Variants in RBFOX1 observed in about 807,000 individuals in gnomAD.
RBFOX1 encodes the protein RNA binding fox-1 homolog 1, also known as RNA binding protein fox-1 homolog 1.
Under a neutral mutation model 57.7 loss-of-function variants are expected in RBFOX1, and 8 were observed. The observed-to-expected ratio is 0.14, with a 90% CI of 0.08 to 0.25. The LOEUF is 0.25. Among genes scored for constraint, RBFOX1 ranks in the 10% least tolerant of loss-of-function variants. The pLI, the probability that RBFOX1 is intolerant of heterozygous loss-of-function variation, is 1.00. For missense variants in RBFOX1, 611 were observed against 548.5 expected (o/e 1.11, Z -1.14); for synonymous variants, 326 against 222.4 (o/e 1.47, Z -4.15).
At chr16:7,180,274 T>C (rs2082442655) in intron 4 of RBFOX1, among the ~76,000 whole-genome samples, 1 of 152,208 alleles carries the variant, frequency 6.6e-6, no homozygotes, top group Admixed American at 6.5e-5. Flanking sequence ...TATGTCCTTA[T>C]GTAATGCTCT....
At chr16:7,587,877 A>G (rs1567972009) in intron 7 of RBFOX1, among the ~76,000 whole-genome samples, 2 of 152,160 alleles carry the variant, frequency 1.3e-5, no homozygotes, top group Non-Finnish European at 2.9e-5. Flanking sequence ...TGGGTTCAGG[A>G]GAGGTTCTGT....
At chr16:5,293,434 C>G (rs781732670) in intron 1 of RBFOX1, among the ~76,000 whole-genome samples, 3 of 152,140 alleles carry the variant, frequency 2.0e-5, no homozygotes, top group East Asian at 1.9e-4. Flanking sequence ...TTCATCTGCA[C>G]CCAACCATAT....
intron 2 of RBFOX1, among the ~76,000 whole-genome samples, chr16:5,535,555 C>G (rs1377190747): frequency 1.3e-5 from 2 of 152,328 alleles, no homozygotes; most frequent in Non-Finnish European, 2.9e-5. Context: ...GAATAATCCT[C>G]TGTTTTGCAG....
intron 3 of RBFOX1, among the ~76,000 whole-genome samples, chr16:5,699,464 T>A (rs1187776752): frequency 6.6e-6 from 1 of 152,142 alleles, no homozygotes; most frequent in East Asian, 1.9e-4. Context: ...TTGTTCTATT[T>A]TTAGTGCAGT....
chr16:7,460,573 A>AAGGT (rs140819229), intron 4 of RBFOX1, among the ~76,000 whole-genome samples: 7,773 of 149,404 alleles, frequency 0.052, 682 homozygotes, highest in African/African-American at 0.18. Flanking sequence ...CAGAGGGTGG[A>AAGGT]AGGTAGGAGG....
At chr16:5,271,680 G>C (rs572912410) in intron 1 of RBFOX1, among the ~76,000 whole-genome samples, 1 of 152,324 alleles carries the variant, frequency 6.6e-6, no homozygotes, top group East Asian at 1.9e-4. Context: ...TTTCAGAGGA[G>C]TTTAACTTGT....
At chr16:7,490,262 C>G (rs1006218236) in intron 4 of RBFOX1, among the ~76,000 whole-genome samples, 3 of 152,172 alleles carry the variant, frequency 2.0e-5, no homozygotes, top group African/African-American at 4.8e-5. Flanking sequence ...TCCAAGAGCT[C>G]AGGCGTTCAT....
intron 3 of RBFOX1, among the ~76,000 whole-genome samples, chr16:6,771,128 A>G (rs2078220887): frequency 6.6e-6 from 1 of 152,126 alleles, no homozygotes; most frequent in South Asian, 2.1e-4. Context: ...ACACACAGAG[A>G]GAATACCATA....
chr16:6,669,282 A>T (rs746571549), intron 3 of RBFOX1, among the ~76,000 whole-genome samples: 5 of 152,190 alleles, frequency 3.3e-5, no homozygotes, highest in Non-Finnish European at 7.3e-5. Flanking sequence ...TTTGTCTATC[A>T]CATGAACACA....
intron 1 of RBFOX1, among the ~76,000 whole-genome samples, chr16:5,439,873 G>A (rs2068032412): frequency 6.6e-6 from 1 of 152,212 alleles, no homozygotes; most frequent in African/African-American, 2.4e-5. Flanking sequence ...GTTAGGGCAT[G>A]AGATTAAAAT....
intron 1 of RBFOX1, among the ~76,000 whole-genome samples, chr16:5,368,791 A>T (rs2065788914): frequency 6.6e-6 from 1 of 152,020 alleles, no homozygotes; most frequent in African/African-American, 2.4e-5. Flanking sequence ...ACTCCAATCC[A>T]GGGTCTTCTG....
chr16:7,011,594 A>G (rs1444891240), intron 3 of RBFOX1, among the ~76,000 whole-genome samples: 1 of 152,074 alleles, frequency 6.6e-6, no homozygotes, highest in Non-Finnish European at 1.5e-5. Flanking sequence ...GCTCACTGCA[A>G]GCTCCGCATC....
intron 3 of RBFOX1, among the ~76,000 whole-genome samples, chr16:6,778,963 G>T (rs2079864860): frequency 6.6e-6 from 1 of 151,886 alleles, no homozygotes; most frequent in Non-Finnish European, 1.5e-5. Context: ...TCAAATCAAG[G>T]TAATTGAAGT....
intron 4 of RBFOX1, among the ~76,000 whole-genome samples, chr16:7,369,718 A>G (rs1053207357): frequency 6.6e-6 from 1 of 152,190 alleles, no homozygotes; most frequent in Admixed American, 6.5e-5. Flanking sequence ...GATTAGCAAT[A>G]GCATACCTTT....
chr16:7,369,212 A>G (rs778330591), intron 4 of RBFOX1, among the ~76,000 whole-genome samples: 2 of 151,696 alleles, frequency 1.3e-5, no homozygotes, highest in African/African-American at 4.8e-5. Context: ...CCCCAGCCCA[A>G]TAGTAAAAAG....
At chr16:5,535,880 G>A (rs1300169717) in intron 2 of RBFOX1, among the ~76,000 whole-genome samples, 1 of 152,182 alleles carries the variant, frequency 6.6e-6, no homozygotes, top group East Asian at 1.9e-4. Context: ...TGAGATGGCT[G>A]AAGAGGGGCG....
chr16:6,193,745 G>T (rs1012137038), intron 1 of RBFOX1, among the ~76,000 whole-genome samples: 1 of 151,878 alleles, frequency 6.6e-6, no homozygotes, highest in African/African-American at 2.4e-5. Context: ...ATTTCTTTGG[G>T]TATTTTGGGT....
intron 3 of RBFOX1, among the ~76,000 whole-genome samples, chr16:6,848,419 A>T (rs959991841): frequency 6.6e-6 from 1 of 152,184 alleles, no homozygotes; most frequent in South Asian, 2.1e-4. Flanking sequence ...TTGCATGCCA[A>T]ACAAACACTT....
chr16:6,567,487 T>G (rs1023690946), intron 2 of RBFOX1, among the ~76,000 whole-genome samples: 7 of 152,222 alleles, frequency 4.6e-5, no homozygotes, highest in African/African-American at 1.4e-4. Flanking sequence ...TCTTGGCTGC[T>G]CCAGCCACAG....
Sources: gnomAD v4.1 joint callset for allele counts (sites outside exome capture counted in the v4.1 genomes callset) on GRCh38, gnomAD v4.1.1 for gene constraint, MANE v1.5 for transcripts, NCBI Gene and HGNC (gene_info 2026-07-23, HGNC 2026-07-21) for gene names.